MED14: variants seen among roughly 807,000 people sequenced by gnomAD.
The protein encoded by MED14 is mediator of RNA polymerase II transcription subunit 14.
In MED14, 8 loss-of-function variants were observed where a neutral mutation model predicts 109.0. That is an observed-to-expected ratio of 0.07 (90% CI 0.04 to 0.13). MED14 has a LOEUF of 0.13. Ranked by LOEUF, MED14 falls within the 10% of genes least tolerant of loss-of-function variation. The pLI, the probability that MED14 is intolerant of heterozygous loss-of-function variation, is 1.00. For synonymous variants in MED14, 399 were observed against 408.7 expected, an observed-to-expected ratio of 0.98 and a Z score of 0.29; for missense variants, 711 against 1,142.4, an observed-to-expected ratio of 0.62 and a Z score of 5.44.
intron 28 of MED14, among the ~76,000 whole-genome samples, chrX:40,658,345 G>A (rs1929138860): frequency 2.7e-5 from 3 of 111,118 alleles, no homozygotes; most frequent in Admixed American, 1.9e-4. Context: ...GCCTGCCTCA[G>A]CCCCCCAAAG....
chrX:40,655,609 C>A (rs189517851), intron 28 of MED14, among the ~76,000 whole-genome samples: 1 of 112,391 alleles, frequency 8.9e-6, no homozygotes, highest in Admixed American at 9.4e-5. Flanking sequence ...GTCCTGTTTC[C>A]AACTCTTTGC....
At chrX:40,719,560 A>C (rs1467392751) in intron 3 of MED14, among the ~76,000 whole-genome samples, 1 of 112,143 alleles carries the variant, frequency 8.9e-6, no homozygotes, top group African/African-American at 3.2e-5. Flanking sequence ...ATCACAACAC[A>C]ACACATTTGA....
intron 13 of MED14, 33 bp from the exon 14 acceptor site, chrX:40,692,935 A>G: frequency 9.6e-7 from 1 of 1,046,984 alleles, no homozygotes; most frequent in East Asian, 3.5e-5. Context: ...AGACTTAGAG[A>G]AATAAGAAGT....
At position 40,729,352 on chromosome X, in the gene MED14, A is replaced by AG; in HGVS notation, c.216-8dup. 8.4e-7 allele frequency: 1 copy of AG among 1,185,592 alleles called. No homozygotes were observed. The highest frequency in any genetic ancestry group is 1.1e-6 in the Non-Finnish European group (1 of 885,502). ...ATCAGATTTCCTTGGCAGTCTAAGA[A>AG]GAAAAAAAAAAAACGGATTAGATAC... On this transcript the variant is annotated splice_polypyrimidine_tract_variant and splice_region_variant and intron_variant, in intron 1 of 30. Coordinates refer to ENST00000324817, the MANE Select transcript of MED14 (RefSeq NM_004229.4).
At position 40,682,683 on chromosome X, in the gene MED14, A is replaced by G; in HGVS notation, c.2285T>C (p.Val762Ala). The G allele has an allele frequency of 1.7e-6, 2 of 1,203,959 alleles. No homozygotes were observed. The highest frequency in any genetic ancestry group is 2.2e-6 in the Non-Finnish European group (2 of 889,749). ...LLSEPVGGRK[V>A]VEMFLNDWNS... ...CCAGTCATTAAGAAACATTTCAACC[A>G]CCTTTCTACCACCAACAGGCTCAGA... Residue 762 changes from valine (V) to alanine (A), a missense_variant, in exon 18 of 31, where the codon GTG becomes GCG. By Grantham distance (64) the Val-to-Ala change is moderately conservative. Transcript: ENST00000324817.
At chrX:40,663,870 G>A (rs1424849825) in intron 25 of MED14, among the ~76,000 whole-genome samples, 3 of 111,594 alleles carry the variant, frequency 2.7e-5, no homozygotes, top group Non-Finnish European at 5.6e-5. Context: ...TAAAATTTTT[G>A]GACTCTTCAA....
chrX:40,690,569 C>T (rs1389267560), intron 15 of MED14, among the ~76,000 whole-genome samples: 1 of 111,209 alleles, frequency 9.0e-6, no homozygotes, highest in Non-Finnish European at 1.9e-5. Flanking sequence ...CGCCCGCTAC[C>T]ATGCCTGACT....
At chrX:40,685,493 T>C (rs947582177) in intron 16 of MED14, among the ~76,000 whole-genome samples, 1 of 112,719 alleles carries the variant, frequency 8.9e-6, no homozygotes, top group African/African-American at 3.2e-5. Context: ...ATTATCAGCA[T>C]AAGCTACAGG....
At position 40,651,611 on chromosome X, in the gene MED14, T is replaced by C; in HGVS notation, c.*195A>G. On this transcript the variant is annotated 3_prime_UTR_variant, in exon 31 of 31. Transcript: ENST00000324817. Reference sequence around the variant, plus strand: ...TGAAATGTGTCCCATTTAAACACACTATACAAGTTCATTATACAAAAGATG... The same window carrying C: ...TGAAATGTGTCCCATTTAAACACACCATACAAGTTCATTATACAAAAGATG... The C allele has an allele frequency of 9.8e-7, 1 of 1,017,735 alleles. No individual in the cohort carries two copies. The highest frequency in any genetic ancestry group is 1.3e-6 in the Non-Finnish European group (1 of 799,505). 83.9% of individuals were successfully genotyped at this position (1,017,735 alleles called of 1,213,427 possible).
At chrX:40,733,027 T>C (rs1185225907) in intron 1 of MED14, among the ~76,000 whole-genome samples, 3 of 111,527 alleles carry the variant, frequency 2.7e-5, no homozygotes, top group African/African-American at 9.8e-5. Flanking sequence ...TCTGACATTA[T>C]TATCATCAGC....
intron 4 of MED14, 81 bp downstream of exon 4, chrX:40,714,456 G>T: frequency 1.0e-6 from 1 of 999,267 alleles, no homozygotes; most frequent in Non-Finnish European, 1.4e-6. Context: ...AATGTTTTTT[G>T]CTGGGCTACT....
intron 15 of MED14, among the ~76,000 whole-genome samples, chrX:40,689,257 T>G (rs1156591761): frequency 8.9e-6 from 1 of 112,176 alleles, no homozygotes; most frequent in Admixed American, 9.5e-5. Context: ...TCCAGGTATT[T>G]GAGTGAGCCC....
At chrX:40,655,675 T>C (rs1262313205) in intron 28 of MED14, among the ~76,000 whole-genome samples, 1 of 112,330 alleles carries the variant, frequency 8.9e-6, no homozygotes, top group Non-Finnish European at 1.9e-5. Flanking sequence ...CATTGGTGCT[T>C]TTTTAGCCAC....
intron 22 of MED14, among the ~76,000 whole-genome samples, chrX:40,673,889 C>T (rs1035031201): frequency 9.2e-6 from 1 of 109,135 alleles, no homozygotes; most frequent in Non-Finnish European, 1.9e-5. Flanking sequence ...CAATGAACAA[C>T]TTATTTTGGG....
intron 30 of MED14, among the ~76,000 whole-genome samples, chrX:40,653,404 C>T (rs1311941209): frequency 8.9e-6 from 1 of 111,882 alleles, no homozygotes; most frequent in African/African-American, 3.2e-5. Context: ...GAGAACTCGC[C>T]TGCATATCCA....
intron 6 of MED14, 109 bp downstream of exon 6, chrX:40,712,805 G>A: frequency 1.2e-6 from 1 of 813,888 alleles, no homozygotes; most frequent in Non-Finnish European, 1.7e-6. Context: ...TCCCAAAGTA[G>A]TGGGATTACA....
rs1930176681 is a variant in MED14, at chrX:40,682,980, C to G, written c.2074G>C (p.Gly692Arg). ...IRLLKIPPCK[G>R]ITEETQKALD... ...GCCTTTTGGGTTTCCTCAGTTATAC[C>G]CTTACAGGGAGGAATTCTGGTGATA... is the stretch of plus-strand genomic sequence containing the variant. The change falls in exon 17 of 31, where the codon GGT (glycine) becomes CGT (arginine). Residue 692 changes from glycine to arginine, a missense_variant. Around this residue, in one of 8 missense-constraint regions of MED14, gnomAD observed 388 missense variants for 517.3 expected, o/e 0.75. Transcript: ENST00000324817. 1.7e-6 allele frequency: 2 copies of G among 1,204,010 alleles called. No individual in the cohort carries two copies. The highest frequency in any genetic ancestry group is 5.9e-5 in the East Asian group (2 of 33,806).
At chrX:40,673,870 T>G (rs1197492474) in intron 22 of MED14, among the ~76,000 whole-genome samples, 1 of 107,731 alleles carries the variant, frequency 9.3e-6, no homozygotes, top group Admixed American at 9.9e-5. Flanking sequence ...AAAATCATTA[T>G]AGAGGGGCCA....
intron 3 of MED14, among the ~76,000 whole-genome samples, chrX:40,721,877 A>G (rs1931732272): frequency 8.9e-6 from 1 of 112,518 alleles, no homozygotes; most frequent in Admixed American, 9.4e-5. Context: ...ATCCAGAGAA[A>G]TCTTCCAGAT....
Sources: allele counts gnomAD v4.1 joint callset (sites outside exome capture counted in the v4.1 genomes callset), GRCh38; gene constraint gnomAD v4.1.1; regional missense constraint gnomAD v4.1.1; transcripts MANE v1.5; gene names NCBI Gene and HGNC (gene_info 2026-07-23, HGNC 2026-07-21).